NFILZ: variants seen among roughly 807,000 people sequenced by gnomAD.
NFILZ encodes NFIL3 like protein.
chr19:8,674,225 C>T lies in NFILZ; in HGVS notation c.-163-326C>T, dbSNP rs146753846. On this transcript the variant is annotated intron_variant, in intron 3 of 5. Transcript: ENST00000691075. The stretch of plus-strand genomic sequence containing the variant: ...GAGCAGATCACATGGTGTGGCGGAG[C>T]AGACTCACACATTAGACAGATTTGA... Among the ~76,000 whole-genome samples the T allele has an allele frequency of 9.5e-4, 144 of 152,314 alleles. 1 individual carries two copies. Among genetic ancestry groups the T allele is most frequent in the African/African-American group, 3.3e-3 (139 of 41,568 alleles).
intron 3 of NFILZ, among the ~76,000 whole-genome samples, chr19:8,637,610 C>G (rs772792283): frequency 9.0e-5 from 3 of 33,382 alleles, no homozygotes; most frequent in Non-Finnish European, 1.1e-4. Flanking sequence ...GAGACTCCAT[C>G]TCAAAAAAAA....
At chr19:8,631,031 AG>A (rs1338942805) in intron 1 of NFILZ, among the ~76,000 whole-genome samples, 1 of 152,220 alleles carries the variant, frequency 6.6e-6, no homozygotes, top group Admixed American at 6.6e-5. Flanking sequence ...AGATCTTTTC[AG>A]AGCCTTTAAT....
At position 8,678,362 on chromosome 19, in the gene NFILZ, TTCTA is replaced by T. The variant is rs61707405; in HGVS notation, c.*734_*737del. Among the ~76,000 whole-genome samples, 31,194 of 150,720 alleles carry T rather than the reference TTCTA, an allele frequency of 0.21. 3,405 individuals carry two copies. The highest frequency in any genetic ancestry group is 0.35 in the South Asian group (1,674 of 4,734). ...CATTCATCCATGCATTTGTTTTTCC[TTCTA>T]TCTATCCATCCATCCATTCATTCAT... is the stretch of plus-strand genomic sequence containing the variant. On this transcript the variant is annotated 3_prime_UTR_variant, in exon 6 of 6. Coordinates refer to ENST00000691075, the MANE Select transcript of NFILZ (RefSeq NM_001378600.1).
intron 3 of NFILZ, among the ~76,000 whole-genome samples, chr19:8,638,139 A>G (rs570326991): frequency 6.6e-6 from 1 of 152,174 alleles, no homozygotes; most frequent in African/African-American, 2.4e-5. Context: ...ACACAGAAAA[A>G]TGGAAAGAAT....
intron 1 of NFILZ, 85 bp from the exon 2 acceptor site, chr19:8,632,391 T>A (rs1475437358): frequency 3.3e-5 from 5 of 152,050 alleles, no homozygotes; most frequent in Non-Finnish European, 7.3e-5. Context: ...TCCCAGACAG[T>A]TAAGGCATTC....
intron 2 of NFILZ, among the ~76,000 whole-genome samples, chr19:8,633,292 G>T (rs1874011599): frequency 6.6e-6 from 1 of 152,168 alleles, no homozygotes; most frequent in Admixed American, 6.6e-5. Context: ...AAAGTGCTGG[G>T]ATTATAGGTG....
chr19:8,660,393 C>T (rs957927705), intron 3 of NFILZ, among the ~76,000 whole-genome samples: 3 of 151,414 alleles, frequency 2.0e-5, no homozygotes, highest in Admixed American at 6.6e-5. Flanking sequence ...GGTGTTCTAG[C>T]GGCAGAGACA....
At chr19:8,652,548 GTTCA>G (rs1555747805) in intron 3 of NFILZ, among the ~76,000 whole-genome samples, 2 of 152,124 alleles carry the variant, frequency 1.3e-5, no homozygotes, top group Admixed American at 6.5e-5. Flanking sequence ...TTTAAAATTT[GTTCA>G]TTGTTTTCAC....
intron 3 of NFILZ, among the ~76,000 whole-genome samples, chr19:8,637,202 C>T (rs1383429265): frequency 1.3e-5 from 2 of 151,956 alleles, no homozygotes; most frequent in South Asian, 4.2e-4. Context: ...GCACTCCAGC[C>T]GGGTGTGATG....
intron 3 of NFILZ, among the ~76,000 whole-genome samples, chr19:8,660,797 C>G (rs1352274408): frequency 2.6e-5 from 4 of 151,836 alleles, no homozygotes; most frequent in Non-Finnish European, 4.4e-5. Flanking sequence ...ACCACCATGC[C>G]TGGTTAATTT....
At chr19:8,663,754 G>GTGTATGTGTGTGTGTGTGTA (rs1555674962) in intron 3 of NFILZ, among the ~76,000 whole-genome samples, 9 of 117,540 alleles carry the variant, frequency 7.7e-5, no homozygotes, top group Non-Finnish European at 1.6e-5. Flanking sequence ...GTGTGTGTGT[G>GTGTATGTGTGTGTGTGTGTA]TGTGTGTGTG....
At chr19:8,631,298 C>G (rs1555745489) in intron 1 of NFILZ, among the ~76,000 whole-genome samples, 1 of 152,180 alleles carries the variant, frequency 6.6e-6, no homozygotes, top group African/African-American at 2.4e-5. Context: ...CCCCACAGCT[C>G]TCTCAGGGGT....
intron 3 of NFILZ, among the ~76,000 whole-genome samples, chr19:8,639,599 TAA>T (rs5827009): frequency 4.5e-5 from 6 of 132,660 alleles, no homozygotes; most frequent in Non-Finnish European, 8.3e-5. Context: ...TTAAGAAAAT[TAA>T]AAAAAAAAAA....
chr19:8,672,643 A>G lies in NFILZ; in HGVS notation c.-163-1908A>G, dbSNP rs1046077067. On this transcript the variant is annotated intron_variant, in intron 3 of 5. Transcript: ENST00000691075. Reference sequence around the variant, plus strand: ...TAGTTTATTCAAAAAAAATCCATGCATTTATTAGTTCATGCCAAAAATCCA... The same window carrying G: ...TAGTTTATTCAAAAAAAATCCATGCGTTTATTAGTTCATGCCAAAAATCCA... Among the ~76,000 whole-genome samples, 13 of 152,262 alleles carry G rather than the reference A, an allele frequency of 8.5e-5. 1 individual carries two copies. In the Middle Eastern group the frequency reaches 0.01, roughly 120 times the overall value.
chr19:8,661,785 G>A (rs933833995), intron 3 of NFILZ, among the ~76,000 whole-genome samples: 9 of 152,076 alleles, frequency 5.9e-5, no homozygotes, highest in East Asian at 1.9e-4. Flanking sequence ...CCAGCTACCC[G>A]GGAGGCTGAG....
chr19:8,669,758 C>A (rs1031832322), intron 3 of NFILZ, among the ~76,000 whole-genome samples: 4 of 152,166 alleles, frequency 2.6e-5, no homozygotes, highest in Non-Finnish European at 5.9e-5. Context: ...CCTCTCAGAG[C>A]TTTGCTTTCC....
chr19:8,654,058 T>C (rs533781755), intron 3 of NFILZ, among the ~76,000 whole-genome samples: 2 of 152,026 alleles, frequency 1.3e-5, no homozygotes, highest in African/African-American at 4.8e-5. Context: ...GGTGAAACCC[T>C]GTCTGTACTA....
chr19:8,647,297 C>T (rs552144445), intron 3 of NFILZ, among the ~76,000 whole-genome samples: 10 of 152,238 alleles, frequency 6.6e-5, no homozygotes, highest in South Asian at 6.2e-4. Context: ...ATCGGCCAGG[C>T]GCGGTGGCTC....
rs1037348954 is a variant in NFILZ at position 8,678,829 on chromosome 19, C to G, written c.*1194C>G. 2.6e-5 allele frequency among the ~76,000 whole-genome samples: 4 copies of G among 152,206 alleles called. No individual in the cohort carries two copies. The highest frequency in any genetic ancestry group is 4.4e-5 in the Non-Finnish European group (3 of 68,032). ...ACTTGTCCCCTCACCCACCCACTCA[C>G]GATCTTTAGACCTTCCTTTTGTGCC... On this transcript the variant is annotated 3_prime_UTR_variant, in exon 6 of 6. Transcript: ENST00000691075.
Sources: allele counts gnomAD v4.1 joint callset (sites outside exome capture counted in the v4.1 genomes callset), GRCh38; gene constraint gnomAD v4.1.1; transcripts MANE v1.5; gene names NCBI Gene and HGNC (gene_info 2026-07-23, HGNC 2026-07-21).